The following LRRC4B variants were observed in gnomAD, a reference collection of about 807,000 sequenced individuals.
The protein encoded by LRRC4B is leucine rich repeat containing 4B.
Under a neutral mutation model 7.3 loss-of-function variants are expected in LRRC4B, and 1 was observed. The ratio of observed to expected loss-of-function variants is 0.14; its 90% CI spans 0.05 to 0.65. LRRC4B has a LOEUF of 0.65. Among genes scored for constraint, LRRC4B ranks in the 30% least tolerant of loss-of-function variants. The pLI, the probability that LRRC4B is intolerant of heterozygous loss-of-function variation, is 0.84. For synonymous variants in LRRC4B, 500 were observed against 499.2 expected, an observed-to-expected ratio of 1.00 and a Z score of -0.02; for missense variants, 730 against 1,041.6, an observed-to-expected ratio of 0.70 and a Z score of 4.12.
At chr19:50,564,582 C>A (rs927920291) in intron 1 of LRRC4B, among the ~76,000 whole-genome samples, 2 of 151,802 alleles carry the variant, frequency 1.3e-5, no homozygotes, top group African/African-American at 4.8e-5. Flanking sequence ...GCCAGGTCAG[C>A]AAGACATTGG....
intron 1 of LRRC4B, among the ~76,000 whole-genome samples, chr19:50,562,690 C>T (rs1419912499): frequency 2.0e-5 from 3 of 151,496 alleles, no homozygotes; most frequent in Non-Finnish European, 4.4e-5. Context: ...CTGCTGCCCC[C>T]TCCTGCCCTG....
At chr19:50,532,202 C>T (rs1483238882) in intron 2 of LRRC4B, among the ~76,000 whole-genome samples, 3 of 152,176 alleles carry the variant, frequency 2.0e-5, no homozygotes, top group African/African-American at 7.2e-5. Flanking sequence ...CACCACTGCA[C>T]TCCAGCCTGG....
At chr19:50,557,491 C>A (rs1207318954) in intron 1 of LRRC4B, 2 of 152,202 alleles carry the variant, frequency 1.3e-5, no homozygotes, top group African/African-American at 4.8e-5. Context: ...GGCAAGGGGG[C>A]CCAAGTAGGG....
At position 50,553,639 on chromosome 19, in the gene LRRC4B, TTCC is replaced by T. The variant is rs1982175608; in HGVS notation, c.-35-4769_-35-4767del. Among the ~76,000 whole-genome samples, 1 of 152,154 alleles carries T rather than the reference TTCC, an allele frequency of 6.6e-6. No individual in the cohort carries two copies. Among genetic ancestry groups the T allele is most frequent in the Non-Finnish European group, 1.5e-5 (1 of 68,036 alleles). On this transcript the variant is annotated intron_variant, in intron 1 of 2. Coordinates refer to ENST00000652263, the MANE Select transcript of LRRC4B (RefSeq NM_001080457.2). The surrounding 1 kb of genome is among the most constrained non-coding windows in gnomAD (Gnocchi z 4.2). ...TATCCCTCTCCAGAACCTTCTCTGT[TTCC>T]TTTTTCTCCATGACATTTATCAGCA...
chr19:50,538,807 G>A (rs1330990891), intron 2 of LRRC4B, among the ~76,000 whole-genome samples: 2 of 151,576 alleles, frequency 1.3e-5, no homozygotes, highest in African/African-American at 4.9e-5. Flanking sequence ...GAGCTCAAGC[G>A]ATCCACCTGC....
intron 2 of LRRC4B, among the ~76,000 whole-genome samples, chr19:50,542,179 G>A (rs1333682865): frequency 6.6e-6 from 1 of 152,204 alleles, no homozygotes; most frequent in Admixed American, 6.5e-5. Flanking sequence ...AGGATAAAAG[G>A]GAGGGAAGGA....
chr19:50,544,828 G>A, intron 2 of LRRC4B, among the ~76,000 whole-genome samples: 1 of 152,176 alleles, frequency 6.6e-6, no homozygotes, highest in East Asian at 1.9e-4. Context: ...GCCAAGGTGG[G>A]TGAATTGCTT....
intron 2 of LRRC4B, among the ~76,000 whole-genome samples, chr19:50,542,356 G>A (rs1047417146): frequency 9.2e-5 from 14 of 152,226 alleles, no homozygotes; most frequent in Non-Finnish European, 7.3e-5. Context: ...GCTGCGGGGA[G>A]GCAGTCTCCT....
intron 2 of LRRC4B, among the ~76,000 whole-genome samples, chr19:50,532,740 T>G (rs1377658147): frequency 2.0e-5 from 3 of 152,276 alleles, no homozygotes; most frequent in Non-Finnish European, 2.9e-5. Flanking sequence ...GTAGAGACTG[T>G]GTTGGGGCGA....
rs531687418 is a variant in LRRC4B at position 50,541,048 on chromosome 19, C to G, written c.297+7494G>C. Reference sequence around the variant, plus strand: ...AATACAAAAAAAGTAGCCGGGCGTGCTGGTGGGTGCCTGTAGTCCCAGCTA... The same window carrying G: ...AATACAAAAAAAGTAGCCGGGCGTGGTGGTGGGTGCCTGTAGTCCCAGCTA... On this transcript the variant is annotated intron_variant, in intron 2 of 2. Coordinates refer to ENST00000652263, the MANE Select transcript of LRRC4B (RefSeq NM_001080457.2). Among the ~76,000 whole-genome samples the G allele has an allele frequency of 2.9e-3, 445 of 151,654 alleles. 5 individuals carry two copies. The highest frequency in any genetic ancestry group is 6.3e-3 in the South Asian group (30 of 4,768).
At chr19:50,525,254 G>A (rs952998793) in intron 2 of LRRC4B, among the ~76,000 whole-genome samples, 1 of 152,186 alleles carries the variant, frequency 6.6e-6, no homozygotes, top group Non-Finnish European at 1.5e-5. Context: ...GGGTGAGGGA[G>A]AGGAGATGAG....
At chr19:50,540,008 C>A (rs1981472212) in intron 2 of LRRC4B, among the ~76,000 whole-genome samples, 1 of 151,958 alleles carries the variant, frequency 6.6e-6, no homozygotes, top group South Asian at 2.1e-4. Flanking sequence ...CCCTGTTGAC[C>A]TTCCTGGGTG....
chr19:50,543,498 AC>A (rs1306994456), intron 2 of LRRC4B, among the ~76,000 whole-genome samples: 1 of 152,054 alleles, frequency 6.6e-6, no homozygotes, highest in African/African-American at 2.4e-5. Context: ...AGAGTCCAGA[AC>A]ATTAGGAAGA....
intron 1 of LRRC4B, among the ~76,000 whole-genome samples, chr19:50,562,926 G>T (rs1982518652): frequency 6.6e-6 from 1 of 151,940 alleles, no homozygotes; most frequent in African/African-American, 2.4e-5. Flanking sequence ...TTTTGGTAGA[G>T]ACGGGGTTTC....
At chr19:50,545,195 G>A (rs1981746101) in intron 2 of LRRC4B, among the ~76,000 whole-genome samples, 2 of 151,466 alleles carry the variant, frequency 1.3e-5, no homozygotes, top group Admixed American at 1.3e-4. Flanking sequence ...ATCATCTGAG[G>A]TCGGGAGTTC....
intron 1 of LRRC4B, among the ~76,000 whole-genome samples, chr19:50,549,178 A>G (rs995277061): frequency 6.6e-6 from 1 of 152,220 alleles, no homozygotes; most frequent in African/African-American, 2.4e-5. Flanking sequence ...TCACTCATCC[A>G]GTAAGTGCAG....
chr19:50,546,098 G>A (rs904460595), intron 2 of LRRC4B, among the ~76,000 whole-genome samples: 3 of 151,884 alleles, frequency 2.0e-5, no homozygotes, highest in Non-Finnish European at 4.4e-5. Flanking sequence ...ACTTTGGGAG[G>A]CCGAGGCGGG....
chr19:50,536,203 A>G lies in LRRC4B; in HGVS notation c.297+12339T>C, dbSNP rs61390825. Reference sequence around the variant, plus strand: ...GGCTGGAGTGCAATAGCATGATCTCAGCTCACTGCAACCTTCGCCTCCCAG... The same window carrying G: ...GGCTGGAGTGCAATAGCATGATCTCGGCTCACTGCAACCTTCGCCTCCCAG... On this transcript the variant is annotated intron_variant, in intron 2 of 2. Transcript: ENST00000652263. 1.8e-3 allele frequency among the ~76,000 whole-genome samples: 273 copies of G among 151,240 alleles called. 1 individual carries two copies. Among genetic ancestry groups the G allele is most frequent in the African/African-American group, 5.3e-3 (218 of 41,206 alleles).
At chr19:50,533,917 CCTGAG>C (rs1239923431) in intron 2 of LRRC4B, among the ~76,000 whole-genome samples, 5 of 152,218 alleles carry the variant, frequency 3.3e-5, no homozygotes, top group Non-Finnish European at 7.3e-5. Flanking sequence ...GTCTCCTTCT[CCTGAG>C]CACAGACATG....
Sources: gnomAD v4.1 joint callset for allele counts (sites outside exome capture counted in the v4.1 genomes callset) on GRCh38, gnomAD v4.1.1 for gene constraint, Gnocchi (gnomAD v3.1) non-coding constraint, MANE v1.5 for transcripts, NCBI Gene and HGNC (gene_info 2026-07-23, HGNC 2026-07-21) for gene names.